The following STEAP4 variants were observed in gnomAD, a reference collection of about 807,000 sequenced individuals.
STEAP4 encodes the protein STEAP4 metalloreductase, also known as metalloreductase STEAP4.
In STEAP4, 36 loss-of-function variants were observed where a neutral mutation model predicts 43.6. The observed-to-expected ratio is 0.83, with a 90% CI of 0.63 to 1.09. STEAP4 has a LOEUF of 1.09. Ranked by LOEUF, STEAP4 falls within the 50% of genes least tolerant of loss-of-function variation. The pLI, the probability that STEAP4 is intolerant of heterozygous loss-of-function variation, is 0.00. For synonymous variants in STEAP4, 191 were observed against 196.7 expected (o/e 0.97, Z 0.24); for missense variants, 495 against 546.5 (o/e 0.91, Z 0.94).
chr7:88,278,040 G>A lies in STEAP4; in HGVS notation c.*1358C>T, dbSNP rs1852542686. The A allele has an allele frequency of 6.6e-6, 1 of 150,532 alleles. No individual in the cohort carries two copies. The highest frequency in any genetic ancestry group is 6.6e-5 in the Admixed American group (1 of 15,102). The allele number at this position is 150,532 out of a possible 1,614,324, so 9.3% of individuals were successfully genotyped here. On this transcript the variant is annotated 3_prime_UTR_variant, in exon 5 of 5. Coordinates refer to ENST00000380079, the MANE Select transcript of STEAP4 (RefSeq NM_024636.4). ...TTTAATCATTTTTGTATAATGTCAT[G>A]TATAATATGTTATAATGAAAGTAAA...
At chr7:88,280,892 AG>A in intron 4 of STEAP4, 22 bp downstream of exon 4, 1 of 1,524,398 alleles carries the variant, frequency 6.6e-7, no homozygotes, top group Non-Finnish European at 8.8e-7. Context: ...ATGAAAAGTT[AG>A]GAATGAACTT....
chr7:88,283,596 G>T (rs1273703300), intron 2 of STEAP4: 3 of 597,574 alleles, frequency 5.0e-6, no homozygotes, highest in East Asian at 2.9e-5. Flanking sequence ...ACACCATGGG[G>T]TTCCATCAAA....
At position 88,278,737 on chromosome 7, in the gene STEAP4, A is replaced by G. The variant is rs906285641; in HGVS notation, c.*661T>C. The G allele has an allele frequency of 6.5e-6, 1 of 152,754 alleles. No homozygotes were observed. Among genetic ancestry groups the G allele is most frequent in the South Asian group, 2.1e-4 (1 of 4,878 alleles). The allele number at this position is 152,754 out of a possible 1,614,324, so 9.5% of individuals were successfully genotyped here. ...AGAGGAAGAATTACATGCCAGCTCTATAGATACGTATGTATCCAAGACATG... is the reference window on the plus strand; with the variant it reads ...AGAGGAAGAATTACATGCCAGCTCTGTAGATACGTATGTATCCAAGACATG... On this transcript the variant is annotated 3_prime_UTR_variant, in exon 5 of 5. Transcript: ENST00000380079.
chr7:88,291,688 T>C (rs1309805874), intron 1 of STEAP4, among the ~76,000 whole-genome samples: 1 of 152,068 alleles, frequency 6.6e-6, no homozygotes, highest in African/African-American at 2.4e-5. Context: ...AAAAAAGTTT[T>C]CTAGTCCTAC....
At position 88,277,877 on chromosome 7, in the gene STEAP4, A is replaced by C. The variant is rs1211901630; in HGVS notation, c.*1521T>G. On this transcript the variant is annotated 3_prime_UTR_variant, in exon 5 of 5. Transcript: ENST00000380079. The stretch of plus-strand genomic sequence containing the variant: ...TGTCTCAAAAAAATAAAAAAGAAAA[A>C]AATAATAAAAAGGAAAACAAAGCCT... The C allele has an allele frequency of 6.6e-6, 1 of 152,122 alleles. No individual in the cohort carries two copies. The highest frequency in any genetic ancestry group is 2.4e-5 in the African/African-American group (1 of 41,424). 9.4% of individuals were successfully genotyped at this position (152,122 alleles called of 1,614,324 possible).
At chr7:88,296,939 T>C (rs1852934231) in intron 1 of STEAP4, among the ~76,000 whole-genome samples, 1 of 152,204 alleles carries the variant, frequency 6.6e-6, no homozygotes, top group African/African-American at 2.4e-5. Context: ...TGGCTTTTTC[T>C]AACATTTTTT....
intron 1 of STEAP4, among the ~76,000 whole-genome samples, chr7:88,286,398 T>A (rs1852734630): frequency 6.6e-6 from 1 of 152,224 alleles, no homozygotes; most frequent in Non-Finnish European, 1.5e-5. Context: ...ATACATTAAA[T>A]AAGCCTAATA....
Position 88,282,678 on chromosome 7 carries a change from T to C in STEAP4, c.947A>G (p.Tyr316Cys). The change falls in exon 3 of 5, where the codon TAT becomes TGT. Residue 316 changes from tyrosine (Y) to cysteine (C), a missense_variant. Physicochemically the swap from Tyr to Cys is radical, Grantham distance 194 (BLOSUM62 -2). Transcript: ENST00000380079. ...TAAGTTTCCCAATCTCCATCGTACATAATATCGAATAGGAATCACAAGTGT... is the reference window on the plus strand; with the variant it reads ...TAAGTTTCCCAATCTCCATCGTACACAATATCGAATAGGAATCACAAGTGT... ...LYTLVIPIRY[Y>C]VRWRLGNLTV... is the part of the protein sequence containing the mutation. 1.2e-6 allele frequency: 2 copies of C among 1,614,000 alleles called. No individual in the cohort carries two copies. The highest frequency in any genetic ancestry group is 1.7e-6 in the Non-Finnish European group (2 of 1,179,968).
At position 88,274,398 on chromosome 7, in the gene STEAP4, T is replaced by C. The variant is rs1852480706; in HGVS notation, c.*5000A>G. 6.6e-6 allele frequency: 1 copy of C among 152,192 alleles called. No homozygotes were observed. The highest frequency in any genetic ancestry group is 2.4e-5 in the African/African-American group (1 of 41,444). 9.4% of individuals were successfully genotyped at this position (152,192 alleles called of 1,614,324 possible). On this transcript the variant is annotated 3_prime_UTR_variant, in exon 5 of 5. Transcript: ENST00000380079. Reference sequence around the variant, plus strand: ...AATGGCAAGAGCACTGTCTTGCTCTTCCACACTCCCCTTTTCTCAGTCCCT... The same window carrying C: ...AATGGCAAGAGCACTGTCTTGCTCTCCCACACTCCCCTTTTCTCAGTCCCT...
chr7:88,297,852 A>C (rs1364375667), intron 1 of STEAP4, among the ~76,000 whole-genome samples: 2 of 152,188 alleles, frequency 1.3e-5, no homozygotes, highest in Non-Finnish European at 2.9e-5. Context: ...TTGTGACAGA[A>C]ATGCAGTTTA....
At chr7:88,280,035 A>C (rs1462766888) in intron 4 of STEAP4, among the ~76,000 whole-genome samples, 1 of 152,202 alleles carries the variant, frequency 6.6e-6, no homozygotes, top group African/African-American at 2.4e-5. Flanking sequence ...ACTGACTAAA[A>C]CCAGATCCTA....
intron 1 of STEAP4, among the ~76,000 whole-genome samples, chr7:88,287,893 G>A (rs1228465822): frequency 6.6e-6 from 1 of 152,150 alleles, no homozygotes; most frequent in Non-Finnish European, 1.5e-5. Context: ...TGGGAAAAGG[G>A]ACATTATCAA....
intron 4 of STEAP4, among the ~76,000 whole-genome samples, chr7:88,279,981 T>G (rs1428498103): frequency 6.6e-6 from 1 of 152,184 alleles, no homozygotes; most frequent in African/African-American, 2.4e-5. Context: ...CAGAGATGAA[T>G]ATGACACAGT....
intron 1 of STEAP4, among the ~76,000 whole-genome samples, chr7:88,288,498 A>G (rs2115979826): frequency 6.6e-6 from 1 of 152,346 alleles, no homozygotes; most frequent in East Asian, 1.9e-4. Flanking sequence ...AAATGAAACT[A>G]GAACAGAACT....
At position 88,276,567 on chromosome 7, in the gene STEAP4, G is replaced by A. The variant is rs1852516327; in HGVS notation, c.*2831C>T. ...AACATATCAGCAGTAAAGAAGTTTA[G>A]TTTAACTTTTTTTTTAAATGTAAAA... On this transcript the variant is annotated 3_prime_UTR_variant, in exon 5 of 5. Transcript: ENST00000380079. The A allele has an allele frequency of 1.3e-5, 2 of 152,212 alleles. No individual in the cohort carries two copies. The highest frequency in any genetic ancestry group is 4.8e-5 in the African/African-American group (2 of 41,440). 9.4% of individuals were successfully genotyped at this position (152,212 alleles called of 1,614,324 possible).
intron 1 of STEAP4, among the ~76,000 whole-genome samples, chr7:88,296,469 A>G (rs545155873): frequency 6.6e-6 from 1 of 152,266 alleles, no homozygotes; most frequent in Non-Finnish European, 1.5e-5. Context: ...ACAGCTGTAA[A>G]TAGGAGGGTT....
At chr7:88,296,124 A>G (rs1489323838) in intron 1 of STEAP4, among the ~76,000 whole-genome samples, 1 of 152,222 alleles carries the variant, frequency 6.6e-6, no homozygotes, top group Non-Finnish European at 1.5e-5. Context: ...CCATGAAATT[A>G]TAATTTGATC....
rs1852652539 is a variant in STEAP4 at position 88,282,999 on chromosome 7, A to G, written c.626T>C (p.Val209Ala). ...MWRFPFYLSA[V>A]LCVFLFFYCV... is the part of the protein sequence containing the mutation. ...ATAGAAAAACAAGAAGACACACAGC[A>G]CAGCAGACAAATAGAAGGGGAACCT... is the stretch of plus-strand genomic sequence containing the variant. Residue 209 changes from valine (V) to alanine (A), a missense_variant, in exon 3 of 5, where the codon GTG (valine) becomes GCG (alanine). By Grantham distance (64) the Val-to-Ala change is moderately conservative (BLOSUM62 0). Transcript: ENST00000380079. 14 of 1,613,692 alleles carry G rather than the reference A, an allele frequency of 8.7e-6. No individual in the cohort carries two copies. Among genetic ancestry groups the G allele is most frequent in the Non-Finnish European group, 1.2e-5 (14 of 1,179,868 alleles).
chr7:88,304,191 G>A (rs1039173033), intron 1 of STEAP4: 1 of 152,166 alleles, frequency 6.6e-6, no homozygotes, highest in African/African-American at 2.4e-5. Context: ...GTTGTGGGAT[G>A]GGGGGAGTGG....
Sources: gnomAD v4.1 joint callset for allele counts (sites outside exome capture counted in the v4.1 genomes callset) on GRCh38, gnomAD v4.1.1 for gene constraint, MANE v1.5 for transcripts, NCBI Gene and HGNC (gene_info 2026-07-23, HGNC 2026-07-21) for gene names.